PSPH: variants seen among roughly 807,000 people sequenced by gnomAD.
PSPH encodes the protein phosphoserine phosphatase.
PSPH carries 16 observed loss-of-function variants against 23.4 expected under a neutral mutation model. The observed-to-expected ratio is 0.68, with a 90% CI of 0.46 to 1.04. The LOEUF (loss-of-function observed/expected upper bound fraction) is 1.04. PSPH is among the 50% of genes least tolerant of loss of function. The pLI, the probability that PSPH is intolerant of heterozygous loss-of-function variation, is 0.00. For synonymous variants in PSPH, 68 were observed against 99.7 expected, an observed-to-expected ratio of 0.68 and a Z score of 1.89; for missense variants, 223 against 273.7, an observed-to-expected ratio of 0.81 and a Z score of 1.31.
intron 7 of PSPH, among the ~76,000 whole-genome samples, chr7:56,014,225 G>A (rs137996098): frequency 3.7e-4 from 56 of 152,264 alleles, no homozygotes; most frequent in African/African-American, 1.2e-3. Context: ...AGCATAAAAT[G>A]ACATTAAAAT....
intron 1 of PSPH, among the ~76,000 whole-genome samples, chr7:56,035,613 C>T (rs1584474741): frequency 6.6e-6 from 1 of 151,966 alleles, no homozygotes; most frequent in African/African-American, 2.4e-5. Context: ...ACCCTCCCCA[C>T]CAAAACACAA....
At chr7:56,023,855 C>G (rs933106810) in intron 3 of PSPH, among the ~76,000 whole-genome samples, 1 of 152,112 alleles carries the variant, frequency 6.6e-6, no homozygotes, top group Non-Finnish European at 1.5e-5. Flanking sequence ...TAGGCCAAAT[C>G]CACCCTGCCA....
chr7:56,038,286 AAAT>A (rs991681667), intron 1 of PSPH, among the ~76,000 whole-genome samples: 10 of 97,820 alleles, frequency 1.0e-4, no homozygotes, highest in Non-Finnish European at 1.1e-4. Flanking sequence ...AAAATACAAA[AAAT>A]ACAAAAAAAA....
intron 5 of PSPH, among the ~76,000 whole-genome samples, chr7:56,018,329 C>G (rs1788855230): frequency 1.3e-5 from 2 of 151,384 alleles, no homozygotes; most frequent in Admixed American, 1.3e-4. Flanking sequence ...GGCAACAGTG[C>G]GAGACTCTGT....
At chr7:56,016,813 G>C (rs112559785) in intron 6 of PSPH, among the ~76,000 whole-genome samples, 9 of 152,054 alleles carry the variant, frequency 5.9e-5, no homozygotes, top group African/African-American at 1.9e-4. Flanking sequence ...CTGACCTCAA[G>C]TGATCCTCCC....
intron 1 of PSPH, among the ~76,000 whole-genome samples, chr7:56,040,392 T>C (rs13222532): frequency 3.9e-5 from 5 of 128,184 alleles, no homozygotes; most frequent in Admixed American, 8.1e-5. Context: ...TATTTACTTA[T>C]TTATTTTTAT....
At chr7:56,040,301 A>G (rs73140801) in intron 1 of PSPH, among the ~76,000 whole-genome samples, 2 of 152,066 alleles carry the variant, frequency 1.3e-5, no homozygotes, top group African/African-American at 2.4e-5. Flanking sequence ...AGAAATCTCT[A>G]TGTGTGTCTA....
In PSPH at chr7:56,015,051, G is replaced by T. The variant is rs527489732; in HGVS notation, c.542C>A (p.Ala181Asp). Residue 181 changes from alanine to aspartate, a missense_variant, in exon 7 of 8, where the codon GCC becomes GAC. Ala to Asp is a moderately radical substitution (Grantham distance 126). Coordinates refer to ENST00000275605, the MANE Select transcript of PSPH (RefSeq NM_004577.4). The part of the protein sequence containing the change: ...FKKIIMIGDG[A>D]TDMEACPPAD... ...AGGAGGACAGGCTTCCATATCTGTG[G>T]CACCATCTCCAATCATGATTATTTT... 1 of 1,613,988 alleles carries T rather than the reference G, an allele frequency of 6.2e-7. No homozygotes were observed. The highest frequency in any genetic ancestry group is 1.1e-5 in the South Asian group (1 of 91,064).
At chr7:56,033,280 T>C (rs1173189098) in intron 2 of PSPH, 2 of 151,940 alleles carry the variant, frequency 1.3e-5, no homozygotes, top group Non-Finnish European at 2.9e-5. Context: ...GGTGGATCGC[T>C]TGAGGCCAGG....
chr7:56,037,960 G>T (rs1194076633), intron 1 of PSPH, among the ~76,000 whole-genome samples: 1 of 151,442 alleles, frequency 6.6e-6, no homozygotes, highest in Non-Finnish European at 1.5e-5. Context: ...TGATCCACTC[G>T]CCTTGGCCTC....
chr7:56,017,126 A>G, intron 6 of PSPH, 108 bp downstream of exon 6: 1 of 1,551,076 alleles, frequency 6.4e-7, no homozygotes. Context: ...CATTCATCTC[A>G]ATATTTAACT....
At chr7:56,035,722 C>T (rs1366392950) in intron 1 of PSPH, among the ~76,000 whole-genome samples, 1 of 151,852 alleles carries the variant, frequency 6.6e-6, no homozygotes, top group East Asian at 2.0e-4. Flanking sequence ...TGGGTTCAAG[C>T]GATTCTCCTG....
intron 1 of PSPH, among the ~76,000 whole-genome samples, chr7:56,045,266 A>C (rs2117176764): frequency 6.6e-6 from 1 of 152,192 alleles, no homozygotes; most frequent in Admixed American, 6.6e-5. Context: ...GCAATTTGGT[A>C]GGCCAAAGTG....
intron 2 of PSPH, among the ~76,000 whole-genome samples, chr7:56,032,830 T>C (rs955844029): frequency 7.9e-5 from 12 of 152,118 alleles, no homozygotes; most frequent in East Asian, 1.9e-4. Context: ...TGCGTATTTG[T>C]AGTCCCAGCT....
At chr7:56,018,980 T>A (rs1436837148) in intron 5 of PSPH, among the ~76,000 whole-genome samples, 1 of 146,738 alleles carries the variant, frequency 6.8e-6, no homozygotes, top group East Asian at 2.1e-4. Context: ...TCAAAAAAAA[T>A]TTTTTTTTAA....
At chr7:56,029,277 G>T (rs1440190934) in intron 3 of PSPH, among the ~76,000 whole-genome samples, 1 of 152,080 alleles carries the variant, frequency 6.6e-6, no homozygotes, top group Non-Finnish European at 1.5e-5. Flanking sequence ...CATTGCCAGA[G>T]AATGGACTCT....
At chr7:56,042,038 C>T (rs1168679510) in intron 1 of PSPH, among the ~76,000 whole-genome samples, 1 of 151,808 alleles carries the variant, frequency 6.6e-6, no homozygotes, top group Non-Finnish European at 1.5e-5. Context: ...GCCTGGCCAA[C>T]AGGGTGAAAC....
At chr7:56,043,073 C>G (rs2016724) in intron 1 of PSPH, 72,667 of 151,550 alleles carry the variant, frequency 0.48, 17,923 homozygotes, top group East Asian at 0.69. Context: ...TTCAAGACCA[C>G]CCTGGCCAAC....
At chr7:56,021,265 T>A (rs1422188093) in intron 3 of PSPH, 34 bp from the exon 4 acceptor site, 1 of 1,581,686 alleles carries the variant, frequency 6.3e-7, no homozygotes, top group East Asian at 2.3e-5. Context: ...TTTAAAGACA[T>A]CAAATAAAAT....
Sources: allele counts gnomAD v4.1 joint callset (sites outside exome capture counted in the v4.1 genomes callset), GRCh38; gene constraint gnomAD v4.1.1; transcripts MANE v1.5; gene names NCBI Gene and HGNC (gene_info 2026-07-23, HGNC 2026-07-21).